Variants in ITGB5 observed in about 807,000 individuals in gnomAD.
The protein encoded by ITGB5 is integrin subunit beta 5.
ITGB5 carries 38 observed loss-of-function variants against 84.8 expected under a neutral mutation model. The observed-to-expected ratio is 0.45, with a 90% CI of 0.35 to 0.59. The LOEUF (loss-of-function observed/expected upper bound fraction) is 0.59, where lower values mean the gene tolerates loss of function less well. Ranked by LOEUF, ITGB5 falls within the 20% of genes least tolerant of loss-of-function variation. The pLI, the probability that ITGB5 is intolerant of heterozygous loss-of-function variation, is 0.01. For synonymous variants in ITGB5, 393 were observed against 414.4 expected, an observed-to-expected ratio of 0.95 and a Z score of 0.63; for missense variants, 905 against 1,034.5, an observed-to-expected ratio of 0.87 and a Z score of 1.72.
At chr3:124,769,167 A>G in intron 11 of ITGB5, 54 bp from the exon 12 acceptor site, 1 of 1,439,368 alleles carries the variant, frequency 6.9e-7, no homozygotes, top group Non-Finnish European at 9.7e-7. Context: ...ACAGTCCCAC[A>G]CCTGTCCCTG....
At position 124,794,937 on chromosome 3, in the gene ITGB5, C is replaced by T. The variant is rs552006877; in HGVS notation, c.1693+1451G>A. On this transcript the variant is annotated intron_variant, in intron 10 of 14. Coordinates refer to ENST00000296181, the MANE Select transcript of ITGB5 (RefSeq NM_002213.5). ...AGCAGAATGTCCAAATCACAGGAAA[C>T]GCATGCTTCACTGAACCCTGGACCA... 5.3e-5 allele frequency among the ~76,000 whole-genome samples: 8 copies of T among 152,244 alleles called. No homozygotes were observed. In the South Asian group the frequency reaches 1.2e-3, roughly 24 times the overall value.
chr3:124,884,766 G>C (rs547570394), intron 1 of ITGB5, among the ~76,000 whole-genome samples: 1 of 152,248 alleles, frequency 6.6e-6, no homozygotes, highest in South Asian at 2.1e-4. Context: ...ACCATGCTCA[G>C]TGCTTTTCTC....
chr3:124,865,335 G>A (rs893864836), intron 2 of ITGB5, among the ~76,000 whole-genome samples: 14 of 152,074 alleles, frequency 9.2e-5, no homozygotes, highest in Non-Finnish European at 1.8e-4. Context: ...GCTTGCAGAT[G>A]CTCCCCATGC....
rs1579347354 is a variant in ITGB5, at chr3:124,887,051, C to G, written c.-51G>C. The G allele has an allele frequency of 1.1e-6, 1 of 919,696 alleles. No homozygotes were observed. 57.0% of individuals were successfully genotyped at this position (919,696 alleles called of 1,614,324 possible). On this transcript the variant is annotated 5_prime_UTR_variant, in exon 1 of 15. Coordinates refer to ENST00000296181, the MANE Select transcript of ITGB5 (RefSeq NM_002213.5). ...CGCGGTCGCTGCACTCCGCGGGGGCCGGCGGCCGGGGCTGGGGCCGGAGCG... is the reference window on the plus strand; with the variant it reads ...CGCGGTCGCTGCACTCCGCGGGGGCGGGCGGCCGGGGCTGGGGCCGGAGCG...
chr3:124,864,011 GAGAA>G (rs910222306), intron 2 of ITGB5, among the ~76,000 whole-genome samples: 5 of 101,900 alleles, frequency 4.9e-5, no homozygotes, highest in South Asian at 3.6e-4. Flanking sequence ...AGAGAGAGAG[GAGAA>G]AGAAAGAAGA....
chr3:124,835,258 C>T (rs1443172203), intron 5 of ITGB5, among the ~76,000 whole-genome samples: 1 of 152,236 alleles, frequency 6.6e-6, no homozygotes, highest in East Asian at 1.9e-4. Context: ...GAGCCCACAA[C>T]ACAGCTCACA....
intron 9 of ITGB5, among the ~76,000 whole-genome samples, chr3:124,803,941 T>A (rs1415907601): frequency 6.6e-6 from 1 of 152,228 alleles, no homozygotes; most frequent in African/African-American, 2.4e-5. Flanking sequence ...TCTGTCAGCA[T>A]GAAAAACAAT....
intron 5 of ITGB5, among the ~76,000 whole-genome samples, chr3:124,835,514 A>C (rs2064922402): frequency 6.6e-6 from 1 of 152,246 alleles, no homozygotes; most frequent in Admixed American, 6.5e-5. Flanking sequence ...ACGGCAGCAC[A>C]GGAAGAGCAG....
intron 2 of ITGB5, among the ~76,000 whole-genome samples, chr3:124,861,070 A>T (rs1003137618): frequency 2.0e-5 from 3 of 152,100 alleles, no homozygotes; most frequent in Admixed American, 6.5e-5. Context: ...TGTCTCAGAA[A>T]AACAAAAAAC....
At chr3:124,775,307 TGTACAAGTGTGAGTGTATGTGTGTTGGA>T (rs1181964575) in intron 10 of ITGB5, among the ~76,000 whole-genome samples, 1 of 151,902 alleles carries the variant, frequency 6.6e-6, no homozygotes, top group Non-Finnish European at 1.5e-5. Context: ...TGCATGAGTG[TGTACAAGTGTGAGTGTATGTGTGTTGGA>T]GTGCAAGTGT....
In ITGB5 at chr3:124,841,362, A is replaced by T. The variant is rs1370113268; in HGVS notation, c.780+21T>A. 24 of 1,610,092 alleles carry T rather than the reference A, an allele frequency of 1.5e-5. No individual in the cohort carries two copies. In the South Asian group the frequency reaches 2.5e-4, roughly 17 times the overall value. ...TACCTTGACCTCCCCATGCAGGGAC[A>T]GGACCAGAAAGGAAAGTTACCTTGC... On this transcript the variant is annotated intron_variant, in intron 5 of 14. Coordinates refer to ENST00000296181, the MANE Select transcript of ITGB5 (RefSeq NM_002213.5).
intron 11 of ITGB5, among the ~76,000 whole-genome samples, chr3:124,771,748 C>CA (rs59189728): frequency 0.022 from 1,538 of 69,000 alleles, 39 homozygotes; most frequent in South Asian, 0.078. Flanking sequence ...GACCCTGTCT[C>CA]AAAAAAAAAA....
chr3:124,851,642 C>CACAT (rs1553764711), intron 3 of ITGB5, among the ~76,000 whole-genome samples: 3 of 149,420 alleles, frequency 2.0e-5, no homozygotes, highest in Non-Finnish European at 4.5e-5. Context: ...CACACACACA[C>CACAT]GCACACATCC....
intron 11 of ITGB5, among the ~76,000 whole-genome samples, chr3:124,772,913 T>TC (rs1278112837): frequency 1.0e-4 from 15 of 144,760 alleles, no homozygotes; most frequent in Non-Finnish European, 2.0e-4. Flanking sequence ...CCAATTTACT[T>TC]TTTTTTTTTT....
At chr3:124,825,382 TA>T (rs1272035298) in intron 5 of ITGB5, among the ~76,000 whole-genome samples, 2 of 152,158 alleles carry the variant, frequency 1.3e-5, no homozygotes, top group African/African-American at 4.8e-5. Context: ...TATGCTCAAA[TA>T]AAAACCTATA....
chr3:124,768,084 A>T (rs1374818279), intron 12 of ITGB5, among the ~76,000 whole-genome samples: 2 of 152,170 alleles, frequency 1.3e-5, no homozygotes, highest in African/African-American at 4.8e-5. Context: ...AAACCCTCAG[A>T]AGCCGTGACT....
intron 2 of ITGB5, among the ~76,000 whole-genome samples, chr3:124,873,026 A>G (rs1479363618): frequency 6.7e-6 from 1 of 148,186 alleles, no homozygotes; most frequent in Non-Finnish European, 1.5e-5. Context: ...CTAATTCCTA[A>G]TATTTATTCT....
At chr3:124,843,856 G>T (rs999321565) in intron 4 of ITGB5, among the ~76,000 whole-genome samples, 1 of 152,122 alleles carries the variant, frequency 6.6e-6, no homozygotes, top group East Asian at 1.9e-4. Context: ...ATTAACAAGG[G>T]AGATAAAAAA....
chr3:124,819,195 A>C (rs2064658950), intron 7 of ITGB5, among the ~76,000 whole-genome samples: 1 of 152,182 alleles, frequency 6.6e-6, no homozygotes, highest in African/African-American at 2.4e-5. Flanking sequence ...TTCCTGCCCC[A>C]GACTAAATGC....
Sources: allele counts gnomAD v4.1 joint callset (sites outside exome capture counted in the v4.1 genomes callset), GRCh38; gene constraint gnomAD v4.1.1; transcripts MANE v1.5; gene names NCBI Gene and HGNC (gene_info 2026-07-23, HGNC 2026-07-21).